CHRM2: variants seen among roughly 807,000 people sequenced by gnomAD.
The protein encoded by CHRM2 is muscarinic acetylcholine receptor M2.
In CHRM2, 8 loss-of-function variants were observed where a neutral mutation model predicts 25.0. The observed-to-expected ratio is 0.32, with a 90% CI of 0.19 to 0.58. The LOEUF (loss-of-function observed/expected upper bound fraction) is 0.58, where lower values mean the gene tolerates loss of function less well. CHRM2 is among the 20% of genes least tolerant of loss of function. The pLI is 0.88. For missense variants in CHRM2, 440 were observed against 567.1 expected (o/e 0.78, Z 2.28); for synonymous variants, 202 against 205.7 (o/e 0.98, Z 0.15).
At chr7:136,888,907 G>A (rs888139099) in intron 2 of CHRM2, among the ~76,000 whole-genome samples, 1 of 151,782 alleles carries the variant, frequency 6.6e-6, no homozygotes, top group Non-Finnish European at 1.5e-5. Context: ...AATTAGCCGG[G>A]CGTGGTGGCG....
At chr7:136,998,714 G>C (rs1278121023) in intron 3 of CHRM2, among the ~76,000 whole-genome samples, 2 of 152,288 alleles carry the variant, frequency 1.3e-5, no homozygotes, top group African/African-American at 2.4e-5. Context: ...AGATCAACGT[G>C]AGAAACGGAG....
intron 3 of CHRM2, among the ~76,000 whole-genome samples, chr7:137,012,706 G>C (rs993690662): frequency 6.6e-6 from 1 of 151,764 alleles, no homozygotes; most frequent in Admixed American, 6.6e-5. Context: ...ATATATCTCG[G>C]GATTTTTTTG....
chr7:136,989,621 T>C (rs1271190983), intron 2 of CHRM2, among the ~76,000 whole-genome samples: 1 of 152,066 alleles, frequency 6.6e-6, no homozygotes, highest in African/African-American at 2.4e-5. Flanking sequence ...CCTCCCTCAT[T>C]CTCCAAATTC....
intron 3 of CHRM2, among the ~76,000 whole-genome samples, chr7:137,004,499 A>C (rs1310587948): frequency 1.3e-5 from 2 of 152,122 alleles, no homozygotes; most frequent in South Asian, 2.1e-4. Flanking sequence ...ATATTGATGT[A>C]GTCTCACACT....
intron 2 of CHRM2, among the ~76,000 whole-genome samples, chr7:136,882,717 A>G (rs529124527): frequency 6.6e-6 from 1 of 152,200 alleles, no homozygotes; most frequent in South Asian, 2.1e-4. Context: ...CCAATATTTT[A>G]TCTAAGCCTG....
At chr7:136,891,878 T>C (rs542890994) in intron 2 of CHRM2, among the ~76,000 whole-genome samples, 1 of 152,372 alleles carries the variant, frequency 6.6e-6, no homozygotes, top group African/African-American at 2.4e-5. Flanking sequence ...GAATCCAGTC[T>C]GAAATAGTGG....
intron 2 of CHRM2, among the ~76,000 whole-genome samples, chr7:136,874,876 G>C (rs1162750459): frequency 6.6e-6 from 1 of 151,632 alleles, no homozygotes; most frequent in Non-Finnish European, 1.5e-5. Context: ...GTTTAACATT[G>C]TTATGAAAAT....
chr7:136,925,843 G>T (rs1798715927), intron 2 of CHRM2, among the ~76,000 whole-genome samples: 1 of 152,132 alleles, frequency 6.6e-6, no homozygotes, highest in Admixed American at 6.5e-5. Flanking sequence ...CTGAATGCTT[G>T]CCAGATGTAA....
intron 2 of CHRM2, chr7:136,903,441 G>T (rs1464049479): frequency 3.0e-5 from 8 of 263,498 alleles, no homozygotes; most frequent in Non-Finnish European, 6.0e-5. Flanking sequence ...TGTGGATATT[G>T]TTAGAGCTGG....
At chr7:136,984,406 C>A (rs545931298) in intron 2 of CHRM2, among the ~76,000 whole-genome samples, 1 of 152,192 alleles carries the variant, frequency 6.6e-6, no homozygotes, top group East Asian at 1.9e-4. Flanking sequence ...TGAGCAAGAC[C>A]ACTTGGCTCC....
chr7:136,879,306 T>C (rs1162541806), intron 2 of CHRM2, among the ~76,000 whole-genome samples: 1 of 151,978 alleles, frequency 6.6e-6, no homozygotes, highest in Non-Finnish European at 1.5e-5. Context: ...TACTGTTATA[T>C]CTATTTCCTT....
At chr7:136,955,104 T>TA (rs1800644136) in intron 2 of CHRM2, among the ~76,000 whole-genome samples, 1 of 152,200 alleles carries the variant, frequency 6.6e-6, no homozygotes, top group Non-Finnish European at 1.5e-5. Flanking sequence ...AAATGAGCCG[T>TA]AAAAGAGTTT....
chr7:136,930,927 A>AAAAAAAAAAAAAAG (rs1290104978), intron 2 of CHRM2, among the ~76,000 whole-genome samples: 13 of 138,656 alleles, frequency 9.4e-5, no homozygotes, highest in African/African-American at 3.6e-4. Context: ...AAAAAAAAAA[A>AAAAAAAAAAAAAAG]GGATAGAAAG....
chr7:136,882,779 T>C (rs1796315270), intron 2 of CHRM2, among the ~76,000 whole-genome samples: 1 of 152,116 alleles, frequency 6.6e-6, no homozygotes, highest in Admixed American at 6.6e-5. Flanking sequence ...TATTATTTTG[T>C]TTAAGCTGAA....
intron 2 of CHRM2, among the ~76,000 whole-genome samples, chr7:136,873,196 T>C (rs1186672410): frequency 6.6e-6 from 1 of 152,184 alleles, no homozygotes; most frequent in Non-Finnish European, 1.5e-5. Flanking sequence ...CTGTCCACCT[T>C]TGGTTCATTG....
At chr7:136,906,910 T>C (rs1211926786) in intron 2 of CHRM2, 2 of 151,994 alleles carry the variant, frequency 1.3e-5, no homozygotes, top group Non-Finnish European at 1.5e-5. Flanking sequence ...AAACTCACCA[T>C]AATGCAGAAT....
At chr7:136,935,309 G>A (rs1799348739) in intron 2 of CHRM2, among the ~76,000 whole-genome samples, 1 of 152,116 alleles carries the variant, frequency 6.6e-6, no homozygotes, top group Non-Finnish European at 1.5e-5. Flanking sequence ...AAAGCATGCG[G>A]CATCAATTAT....
At chr7:136,901,267 A>G (rs1346788381) in intron 2 of CHRM2, among the ~76,000 whole-genome samples, 3 of 151,972 alleles carry the variant, frequency 2.0e-5, no homozygotes, top group Admixed American at 6.6e-5. Flanking sequence ...TCTTGGAAAA[A>G]TAGAAAGGTA....
chr7:137,017,504 C>T lies in CHRM2; in HGVS notation c.*1238C>T, dbSNP rs1403350924. 2 of 151,920 alleles carry T rather than the reference C, an allele frequency of 1.3e-5. No individual in the cohort carries two copies. The highest frequency in any genetic ancestry group is 2.9e-5 in the Non-Finnish European group (2 of 67,932). 9.4% of individuals were successfully genotyped at this position (151,920 alleles called of 1,614,324 possible). A position where few individuals can be genotyped will look rare whatever the true frequency, so the allele number is the denominator to read the frequency against. ...CCAATGCCTGCTAAAGGATGATATT[C>T]AAATTATAACCAAGTGAGGATGTCT... On this transcript the variant is annotated 3_prime_UTR_variant, in exon 4 of 4. Transcript: ENST00000680005.
Sources: gnomAD v4.1 joint callset for allele counts (sites outside exome capture counted in the v4.1 genomes callset) on GRCh38, gnomAD v4.1.1 for gene constraint, MANE v1.5 for transcripts, NCBI Gene and HGNC (gene_info 2026-07-23, HGNC 2026-07-21) for gene names.